Variants in CACNA1H observed in about 807,000 individuals in gnomAD.
CACNA1H encodes the protein calcium voltage-gated channel subunit alpha1 H.
Under a neutral mutation model 192.5 loss-of-function variants are expected in CACNA1H, and 149 were observed. The observed-to-expected ratio is 0.77, with a 90% confidence interval of 0.68 to 0.89. The LOEUF is 0.89. CACNA1H is among the 40% of genes least tolerant of loss of function. The pLI, the probability that CACNA1H is intolerant of heterozygous loss-of-function variation, is 0.00. For synonymous variants in CACNA1H, 2,202 were observed against 1,475.2 expected (o/e 1.49, Z -11.29); for missense variants, 4,257 against 3,423.5 (o/e 1.24, Z -6.08).
rs1236335115 is a variant in CACNA1H at position 1,204,607 on chromosome 16, G to A, written c.2451+149G>A. 1.3e-5 allele frequency: 8 copies of A among 634,742 alleles called. No homozygotes were observed. In the Admixed American group the frequency reaches 2.2e-4, roughly 17 times the overall value. 39.3% of individuals were successfully genotyped at this position (634,742 alleles called of 1,614,324 possible). On this transcript the variant is annotated intron_variant, in intron 10 of 34. Transcript: ENST00000348261. ...AAAGCCGGGGATGGTGAGGATAGGA[G>A]ACCAGGTGTGCCGAGCCTCCACTGG...
intron 2 of CACNA1H, among the ~76,000 whole-genome samples, chr16:1,170,085 T>C (rs1272858072): frequency 2.6e-5 from 4 of 152,206 alleles, no homozygotes; most frequent in Non-Finnish European, 5.9e-5. Flanking sequence ...CAGGGCGGCC[T>C]CCCGGCTTAC....
Position 1,155,845 on chromosome 16 carries a change from G to C in CACNA1H, c.299+1809G>C, listed in dbSNP as rs548318745. ...GCAGGTGGGATGAGCTCTCCAGGGG[G>C]AGAGGAGGGCTGGGGCCAGCGGCAT... On this transcript the variant is annotated intron_variant, in intron 2 of 34. Transcript: ENST00000348261. 4.6e-5 allele frequency among the ~76,000 whole-genome samples: 7 copies of C among 152,306 alleles called. No homozygotes were observed. The East Asian group carries it at 1.4e-3, about 30-fold the overall frequency.
rs369914175 is a variant in CACNA1H, at chr16:1,215,063, G to A, written c.5021G>A (p.Arg1674His). The A allele has an allele frequency of 1.2e-4, 196 of 1,612,268 alleles. No individual in the cohort carries two copies. The highest frequency in any genetic ancestry group is 5.4e-4 in the East Asian group (24 of 44,846). The stretch of plus-strand genomic sequence containing the variant: ...CTGAAGCTGGTAGCATTTGGGTTCC[G>A]TCGGTTCTTCAAGGACAGGTGTGTG... ...AALKLVAFGFRRFFKDRWNQL... is the reference protein window; with the variant it reads ...AALKLVAFGFHRFFKDRWNQL... The change falls in exon 28 of 35, where the codon CGT (arginine) becomes CAT (histidine). Residue 1674 changes from arginine to histidine, a missense_variant. Coordinates refer to ENST00000348261, the MANE Select transcript of CACNA1H (RefSeq NM_021098.3).
chr16:1,165,515 G>A (rs1026748163), intron 2 of CACNA1H, among the ~76,000 whole-genome samples: 2 of 151,404 alleles, frequency 1.3e-5, no homozygotes, highest in African/African-American at 4.9e-5. Context: ...GGAGCTCCAG[G>A]TGGAGAGAGA....
chr16:1,189,290 G>T (rs1319390845), intron 2 of CACNA1H, among the ~76,000 whole-genome samples: 1 of 152,006 alleles, frequency 6.6e-6, no homozygotes, highest in Non-Finnish European at 1.5e-5. Flanking sequence ...GGAGTAGGAA[G>T]GGGGCTTAGC....
chr16:1,163,439 C>T (rs942969152), intron 2 of CACNA1H, among the ~76,000 whole-genome samples: 3 of 152,354 alleles, frequency 2.0e-5, no homozygotes, highest in East Asian at 1.9e-4. Flanking sequence ...CTGTGCCCAG[C>T]CCCCTCTGAA....
chr16:1,156,892 C>T (rs1308115767), intron 2 of CACNA1H: 1 of 152,264 alleles, frequency 6.6e-6, no homozygotes, highest in African/African-American at 2.4e-5. Context: ...TCCAGGGTGA[C>T]TCCATCCCAG....
rs1461383846 is a variant in CACNA1H at position 1,211,999 on chromosome 16, C to T, written c.4620C>T (p.Leu1540=). 6.2e-7 allele frequency: 1 copy of T among 1,613,584 alleles called. No homozygotes were observed. Among genetic ancestry groups the T allele is most frequent in the Non-Finnish European group, 8.5e-7 (1 of 1,179,708 alleles). The change falls in exon 25 of 35, where the codon CTC becomes CTT. Residue 1540 remains leucine (L), a synonymous_variant. Transcript: ENST00000348261. ...WMLLYFISFL[L]IVSFFVLNMF... ...TGCTGTACTTCATCTCCTTCCTGCT[C>T]ATCGTCAGCTTCTTCGTGCTCAACA...
At chr16:1,172,375 G>A (rs1450272519) in intron 2 of CACNA1H, among the ~76,000 whole-genome samples, 1 of 152,126 alleles carries the variant, frequency 6.6e-6, no homozygotes, top group Non-Finnish European at 1.5e-5. Flanking sequence ...CCCCTCTCAC[G>A]CCGTCCCTAG....
chr16:1,211,340 G>C (rs369268913), intron 22 of CACNA1H, 46 bp downstream of exon 22: 1 of 1,610,446 alleles, frequency 6.2e-7, no homozygotes, highest in Non-Finnish European at 8.5e-7. Flanking sequence ...TCGCAGACAG[G>C]GTCTGCCTTC....
intron 6 of CACNA1H, among the ~76,000 whole-genome samples, chr16:1,199,991 A>T (rs1268145320): frequency 6.6e-6 from 1 of 151,716 alleles, no homozygotes; most frequent in East Asian, 1.9e-4. Context: ...GTCTCTGTGG[A>T]CTTGGGCTGA....
intron 2 of CACNA1H, among the ~76,000 whole-genome samples, chr16:1,192,608 CCA>C (rs1966720777): frequency 6.6e-6 from 1 of 152,210 alleles, no homozygotes; most frequent in Non-Finnish European, 1.5e-5. Flanking sequence ...GCAGGAACTG[CCA>C]GGGTCAGGCA....
In CACNA1H at chr16:1,174,049, A is replaced by G. The variant is rs535817247; in HGVS notation, c.299+20013A>G. 1.2e-4 allele frequency among the ~76,000 whole-genome samples: 18 copies of G among 152,338 alleles called. No individual in the cohort carries two copies. The South Asian group carries it at 3.7e-3, about 32-fold the overall frequency. Reference sequence around the variant, plus strand: ...CGGGCCTGTGGAAGTTGACCTGTGCATACAGTGGGCCTCCTGATACGGGGA... The same window carrying G: ...CGGGCCTGTGGAAGTTGACCTGTGCGTACAGTGGGCCTCCTGATACGGGGA... On this transcript the variant is annotated intron_variant, in intron 2 of 34. Transcript: ENST00000348261.
chr16:1,202,217 C>G lies in CACNA1H; in HGVS notation c.1767C>G (p.Ala589=), dbSNP rs1350962093. ...ACATAGAGGGGCCGCAGGAGAGGGC[C>G]CGGGTGGCACATGCCGCAGCCACTG... ...DCHIEGPQER[A]RVAHAAATAA... Residue 589 remains alanine (A), a synonymous_variant, in exon 9 of 35, where the codon GCC becomes GCG. Transcript: ENST00000348261. 6.4e-7 allele frequency: 1 copy of G among 1,553,936 alleles called. No individual in the cohort carries two copies. The highest frequency in any genetic ancestry group is 1.2e-5 in the South Asian group (1 of 84,350).
chr16:1,219,792 C>T (rs1596479185), intron 34 of CACNA1H, among the ~76,000 whole-genome samples, 189 bp from the exon 35 acceptor site: 1 of 19,644 alleles, frequency 5.1e-5, no homozygotes, highest in Non-Finnish European at 8.5e-5. Context: ...GGGAGCCTCA[C>T]AGGTCAGGAG....
At chr16:1,153,535 C>T (rs1239622406) in intron 1 of CACNA1H, 65 bp downstream of exon 1, 24 of 304,500 alleles carry the variant, frequency 7.9e-5, no homozygotes, top group Non-Finnish European at 1.3e-4. Context: ...GCCGGGGAGC[C>T]CCTCGGGGTG....
rs1264620931 is a variant in CACNA1H, at chr16:1,167,333, G to A, written c.299+13297G>A. Among the ~76,000 whole-genome samples, 1 of 152,204 alleles carries A rather than the reference G, an allele frequency of 6.6e-6. No individual in the cohort carries two copies. The highest frequency in any genetic ancestry group is 1.5e-5 in the Non-Finnish European group (1 of 68,032). On this transcript the variant is annotated intron_variant, in intron 2 of 34. Coordinates refer to ENST00000348261, the MANE Select transcript of CACNA1H (RefSeq NM_021098.3). This position sits in a 1 kb window ranked among gnomAD's most constrained non-coding sequence, Gnocchi z 4.2. ...TGGATTCCTGACACACGGGTGCGGG[G>A]GCGATATCGGCGCGGAGCGGGCGGG...
At chr16:1,194,732 C>T (rs1966849401) in intron 2 of CACNA1H, among the ~76,000 whole-genome samples, 1 of 152,188 alleles carries the variant, frequency 6.6e-6, no homozygotes, top group African/African-American at 2.4e-5. Flanking sequence ...ACGCCGAGGG[C>T]CAGGGGGCCG....
chr16:1,160,935 C>CG (rs1963119771), intron 2 of CACNA1H, among the ~76,000 whole-genome samples: 1 of 152,128 alleles, frequency 6.6e-6, no homozygotes, highest in South Asian at 2.1e-4. Context: ...TGCGGCCCCC[C>CG]CCCAGCCTCG....
Sources: gnomAD v4.1 joint callset for allele counts (sites outside exome capture counted in the v4.1 genomes callset) on GRCh38, gnomAD v4.1.1 for gene constraint, Gnocchi (gnomAD v3.1) non-coding constraint, MANE v1.5 for transcripts, NCBI Gene and HGNC (gene_info 2026-07-23, HGNC 2026-07-21) for gene names.